The following IPO11 variants were observed in gnomAD, a reference collection of about 807,000 sequenced individuals.
IPO11 encodes importin 11, also known as importin-11.
IPO11 carries 66 observed loss-of-function variants against 143.2 expected under a neutral mutation model. The ratio of observed to expected loss-of-function variants is 0.46; its 90% CI spans 0.38 to 0.57. The LOEUF (loss-of-function observed/expected upper bound fraction) is 0.57. Among genes scored for constraint, IPO11 ranks in the 20% least tolerant of loss-of-function variants. IPO11 has a pLI of 0.00. For synonymous variants in IPO11, 385 were observed against 377.8 expected (o/e 1.02, Z -0.22); for missense variants, 1,026 against 1,141.0 (o/e 0.90, Z 1.45).
intron 5 of IPO11, among the ~76,000 whole-genome samples, chr5:62,462,323 C>T (rs940640658): frequency 6.6e-6 from 1 of 151,616 alleles, no homozygotes; most frequent in African/African-American, 2.4e-5. Context: ...CAGTAACAAC[C>T]TTTGGTATAG....
rs932033706 is a variant in IPO11 at position 62,496,188 on chromosome 5, C to T, written c.1590+2064C>T. 4.0e-5 allele frequency among the ~76,000 whole-genome samples: 6 copies of T among 151,136 alleles called. No individual in the cohort carries two copies. In the East Asian group the frequency reaches 5.9e-4, roughly 15 times the overall value. On this transcript the variant is annotated intron_variant, in intron 16 of 29. Coordinates refer to ENST00000325324, the MANE Select transcript of IPO11 (RefSeq NM_016338.5). ...CTGTAGTCCCAGTTACTTGGGAGGC[C>T]GAGGCAGGAGAATCGCTTGAACCTG...
chr5:62,463,388 G>T (rs957136449), intron 5 of IPO11, among the ~76,000 whole-genome samples: 4 of 152,042 alleles, frequency 2.6e-5, no homozygotes, highest in African/African-American at 7.2e-5. Flanking sequence ...ACAGGGCCAG[G>T]CATGGTAGCT....
At chr5:62,626,675 T>C (rs1746592544) in intron 29 of IPO11, among the ~76,000 whole-genome samples, 1 of 152,064 alleles carries the variant, frequency 6.6e-6, no homozygotes, top group Admixed American at 6.5e-5. Context: ...TTTTTTTTTT[T>C]TTTCAGCCAG....
intron 29 of IPO11, among the ~76,000 whole-genome samples, chr5:62,607,054 G>A (rs1052625939): frequency 6.6e-6 from 1 of 152,188 alleles, no homozygotes; most frequent in Admixed American, 6.5e-5. Context: ...ATGGAGAACA[G>A]TGCTGCACTG....
At chr5:62,553,339 TGTGTGTG>T (rs1743457121) in intron 26 of IPO11, among the ~76,000 whole-genome samples, 1 of 115,430 alleles carries the variant, frequency 8.7e-6, no homozygotes, top group African/African-American at 3.4e-5. Flanking sequence ...TGTGTGTGTG[TGTGTGTG>T]TGTGTGTGTG....
Position 62,435,182 on chromosome 5 carries a change from A to ATATATATGTG in IPO11, c.-6-2083_-6-2082insGTATATATGT, listed in dbSNP as rs1561309121. Reference sequence around the variant, plus strand: ...TATATGTATATATATGTATATATGTATATATATGTATATATATGTATATAT... The same window carrying ATATATATGTG: ...TATATGTATATATATGTATATATGTATATATATGTGTATATATGTATATATATGTATATAT... On this transcript the variant is annotated intron_variant, in intron 1 of 29. Coordinates refer to ENST00000325324, the MANE Select transcript of IPO11 (RefSeq NM_016338.5). Among the ~76,000 whole-genome samples, 46 of 101,062 alleles carry ATATATATGTG rather than the reference A, an allele frequency of 4.6e-4. 1 individual carries two copies. The highest frequency in any genetic ancestry group is 6.0e-4 in the South Asian group (2 of 3,348). The allele number at this position is 101,062 out of a possible 152,430, so 66.3% of individuals were successfully genotyped here.
At chr5:62,421,571 C>T (rs1451188671) in intron 1 of IPO11, among the ~76,000 whole-genome samples, 1 of 152,138 alleles carries the variant, frequency 6.6e-6, no homozygotes, top group Non-Finnish European at 1.5e-5. Context: ...CACTAATGAG[C>T]CTGTGACCTT....
intron 16 of IPO11, among the ~76,000 whole-genome samples, chr5:62,496,748 TTGTG>T (rs1433140927): frequency 1.3e-5 from 2 of 152,140 alleles, no homozygotes; most frequent in African/African-American, 4.8e-5. Context: ...CAAACACACA[TTGTG>T]TATGTATGTG....
chr5:62,478,204 C>T (rs1231069133), intron 9 of IPO11, among the ~76,000 whole-genome samples: 1 of 152,116 alleles, frequency 6.6e-6, no homozygotes, highest in Non-Finnish European at 1.5e-5. Context: ...CTGACTCTGT[C>T]ACCCACGCTG....
chr5:62,598,420 CTT>C (rs1197774724), intron 28 of IPO11, among the ~76,000 whole-genome samples: 2 of 11,766 alleles, frequency 1.7e-4, no homozygotes, highest in East Asian at 4.5e-3. Context: ...TTCTTTCTTT[CTT>C]TCTTTCTTTC....
At chr5:62,493,066 G>A (rs994811356) in intron 15 of IPO11, among the ~76,000 whole-genome samples, 3 of 152,088 alleles carry the variant, frequency 2.0e-5, no homozygotes, top group Admixed American at 6.5e-5. Flanking sequence ...TTCTTTTAGC[G>A]AAGATGATGA....
intron 29 of IPO11, among the ~76,000 whole-genome samples, chr5:62,618,759 A>G (rs1580395794): frequency 6.6e-6 from 1 of 152,306 alleles, no homozygotes; most frequent in Non-Finnish European, 1.5e-5. Flanking sequence ...ACGGAACAAA[A>G]AATTAGCCGG....
At position 62,550,394 on chromosome 5, in the gene IPO11, C is replaced by A; in HGVS notation, c.2278C>A (p.Pro760Thr). Residue 760 changes from proline to threonine, a missense_variant, in exon 25 of 30, where the codon CCA (proline) becomes ACA (threonine). Transcript: ENST00000325324. ...TGTGGAAAATGCCCTTAAAGTGAAC[C>A]CAATACTAGGTCCACAAATGTTTCA... ...KVVENALKVN[P>T]ILGPQMFQPI... 6.2e-7 allele frequency: 1 copy of A among 1,612,450 alleles called. No homozygotes were observed. The highest frequency in any genetic ancestry group is 2.2e-5 in the East Asian group (1 of 44,786).
chr5:62,549,521 A>G (rs1436980302), intron 24 of IPO11, among the ~76,000 whole-genome samples: 1 of 152,202 alleles, frequency 6.6e-6, no homozygotes, highest in Non-Finnish European at 1.5e-5. Flanking sequence ...AGAAGCATTA[A>G]TGGAAGTCAT....
chr5:62,462,485 G>GA lies in IPO11; in HGVS notation c.517-4634dup, dbSNP rs533067310. Among the ~76,000 whole-genome samples, 838 of 137,656 alleles carry GA rather than the reference G, an allele frequency of 6.1e-3. 11 individuals carry two copies. Among genetic ancestry groups the GA allele is most frequent in the East Asian group, 0.05 (243 of 4,852 alleles). 90.3% of individuals were successfully genotyped at this position (137,656 alleles called of 152,430 possible). On this transcript the variant is annotated intron_variant, in intron 5 of 29. Coordinates refer to ENST00000325324, the MANE Select transcript of IPO11 (RefSeq NM_016338.5). ...TATTCTGGTAACAGAAGCAATGCCTGAAAAAAAAAAAAGAACAGTTTTGCC... is the reference window on the plus strand; with the variant it reads ...TATTCTGGTAACAGAAGCAATGCCTGAAAAAAAAAAAAAGAACAGTTTTGCC...
chr5:62,542,982 G>A (rs1294690473), intron 24 of IPO11, among the ~76,000 whole-genome samples: 1 of 152,086 alleles, frequency 6.6e-6, no homozygotes, highest in Non-Finnish European at 1.5e-5. Flanking sequence ...CATATTCTAA[G>A]CATGTAAAAC....
intron 29 of IPO11, among the ~76,000 whole-genome samples, chr5:62,619,482 CATTT>C (rs1226610036): frequency 2.0e-5 from 3 of 152,142 alleles, no homozygotes; most frequent in Admixed American, 1.3e-4. Context: ...TTAAATTTAA[CATTT>C]ATTCCTGGTA....
At chr5:62,446,823 G>A (rs1744735404) in intron 3 of IPO11, among the ~76,000 whole-genome samples, 1 of 152,020 alleles carries the variant, frequency 6.6e-6, no homozygotes. Flanking sequence ...ACAAAAACTA[G>A]CTGGACATGG....
intron 20 of IPO11, among the ~76,000 whole-genome samples, chr5:62,524,344 A>G (rs773691904): frequency 5.9e-5 from 9 of 152,170 alleles, no homozygotes; most frequent in Non-Finnish European, 1.0e-4. Context: ...TCTCTATACA[A>G]TCTTTGAAAG....
Sources: gnomAD v4.1 joint callset for allele counts (sites outside exome capture counted in the v4.1 genomes callset) on GRCh38, gnomAD v4.1.1 for gene constraint, MANE v1.5 for transcripts, NCBI Gene and HGNC (gene_info 2026-07-23, HGNC 2026-07-21) for gene names.